The following SKAP1 variants were observed in gnomAD, a reference collection of about 807,000 sequenced individuals.
The protein encoded by SKAP1 is src kinase-associated phosphoprotein 1.
In SKAP1, 44 loss-of-function variants were observed where a neutral mutation model predicts 58.5. That is an observed-to-expected ratio of 0.75 (90% CI 0.59 to 0.97). The LOEUF (loss-of-function observed/expected upper bound fraction) is 0.97. Among genes scored for constraint, SKAP1 ranks in the 50% least tolerant of loss-of-function variants. The probability of loss-of-function intolerance (pLI) is 0.00; values close to 1 mark genes in which losing one functional copy is unlikely to be tolerated. For missense variants in SKAP1, 390 were observed against 435.2 expected (o/e 0.90, Z 0.92); for synonymous variants, 127 against 149.7 (o/e 0.85, Z 1.11).
intron 4 of SKAP1, among the ~76,000 whole-genome samples, chr17:48,250,298 T>TGAGATGGAG (rs2065348147): frequency 9.0e-6 from 1 of 110,616 alleles, no homozygotes; most frequent in African/African-American, 3.7e-5. Flanking sequence ...TTTTTTTTTT[T>TGAGATGGAG]TGAGATGGAG....
At chr17:48,353,559 G>A (rs1328288289) in intron 3 of SKAP1, among the ~76,000 whole-genome samples, 1 of 152,088 alleles carries the variant, frequency 6.6e-6, no homozygotes, top group African/African-American at 2.4e-5. Flanking sequence ...AACTTCTTGA[G>A]AGAAACTACA....
intron 1 of SKAP1, among the ~76,000 whole-genome samples, chr17:48,399,606 A>G (rs2067469286): frequency 6.6e-6 from 1 of 151,964 alleles, no homozygotes; most frequent in Non-Finnish European, 1.5e-5. Flanking sequence ...ACAAAAGATA[A>G]TTTTTAAAAA....
intron 2 of SKAP1, among the ~76,000 whole-genome samples, chr17:48,369,595 T>TGTA (rs1378825524): frequency 1.3e-5 from 2 of 152,178 alleles, no homozygotes; most frequent in African/African-American, 2.4e-5. Flanking sequence ...CAGCAGTCAC[T>TGTA]GTAGTAGTAA....
intron 11 of SKAP1, among the ~76,000 whole-genome samples, chr17:48,155,816 C>T (rs769607104): frequency 2.8e-4 from 43 of 152,282 alleles, no homozygotes; most frequent in Non-Finnish European, 5.3e-4. Context: ...GAGACCGCGC[C>T]GCTGCATTCC....
chr17:48,279,568 T>A (rs1228158038), intron 4 of SKAP1, among the ~76,000 whole-genome samples: 1 of 152,224 alleles, frequency 6.6e-6, no homozygotes, highest in African/African-American at 2.4e-5. Context: ...ATGATACATG[T>A]GGACCATTTG....
chr17:48,439,604 C>T, the SKAP1 span, among the ~76,000 whole-genome samples: 52 of 152,284 alleles, frequency 3.4e-4, no homozygotes, highest in African/African-American at 1.3e-3. Context: ...CCCATGATAG[C>T]TTTTTCCAGG....
intron 4 of SKAP1, among the ~76,000 whole-genome samples, chr17:48,225,805 G>T (rs2065061767): frequency 6.6e-6 from 1 of 152,204 alleles, no homozygotes; most frequent in Non-Finnish European, 1.5e-5. Context: ...TGAAAGTGCA[G>T]TAATAAGGGC....
intron 1 of SKAP1, among the ~76,000 whole-genome samples, chr17:48,417,756 AAAAAAG>A (rs1262007580): frequency 2.0e-5 from 3 of 152,080 alleles, no homozygotes; most frequent in Non-Finnish European, 1.5e-5. Context: ...AAAAAAAAAA[AAAAAAG>A]AAAAAGAAAA....
intron 10 of SKAP1, 85 bp from the exon 11 acceptor site, chr17:48,162,654 G>A (rs1300220896): frequency 2.0e-6 from 2 of 975,758 alleles, no homozygotes; most frequent in Admixed American, 2.1e-5. Context: ...GGAAACCAGG[G>A]TTCTGATATT....
intron 9 of SKAP1, among the ~76,000 whole-genome samples, chr17:48,178,733 T>G (rs1174795458): frequency 1.3e-5 from 2 of 152,250 alleles, no homozygotes; most frequent in African/African-American, 2.4e-5. Flanking sequence ...TTGTAAAACT[T>G]CATTAACGAC....
intron 4 of SKAP1, among the ~76,000 whole-genome samples, chr17:48,278,312 C>T (rs1008489989): frequency 2.0e-5 from 3 of 152,002 alleles, no homozygotes; most frequent in Non-Finnish European, 4.4e-5. Flanking sequence ...CTTTCTTTAC[C>T]TGCATGGTTC....
chr17:48,335,670 G>T (rs1449339961), intron 4 of SKAP1, among the ~76,000 whole-genome samples: 2 of 152,014 alleles, frequency 1.3e-5, no homozygotes, highest in African/African-American at 4.8e-5. Flanking sequence ...GATTAAATAT[G>T]TTAGAAATGC....
chr17:48,372,066 G>T (rs2067094579), intron 2 of SKAP1, among the ~76,000 whole-genome samples: 1 of 151,812 alleles, frequency 6.6e-6, no homozygotes, highest in Non-Finnish European at 1.5e-5. Flanking sequence ...CTGCCTCCTG[G>T]GTTCACGCGA....
At chr17:48,201,142 A>T (rs192645281) in intron 4 of SKAP1, among the ~76,000 whole-genome samples, 23 of 152,280 alleles carry the variant, frequency 1.5e-4, no homozygotes, top group African/African-American at 5.5e-4. Context: ...GGGGGTGCAG[A>T]AGTTAGCTCG....
intron 2 of SKAP1, among the ~76,000 whole-genome samples, chr17:48,395,377 T>C (rs1488436317): frequency 6.6e-6 from 1 of 152,210 alleles, no homozygotes; most frequent in South Asian, 2.1e-4. Context: ...CAGAGATTTA[T>C]ACCAACAGAA....
At chr17:48,240,622 A>T (rs190947800) in intron 4 of SKAP1, among the ~76,000 whole-genome samples, 4 of 152,314 alleles carry the variant, frequency 2.6e-5, no homozygotes, top group Admixed American at 2.6e-4. Context: ...AACCTAGTAA[A>T]GTGCTGCCTG....
intron 4 of SKAP1, among the ~76,000 whole-genome samples, chr17:48,232,850 C>T (rs2065139849): frequency 6.6e-6 from 1 of 152,188 alleles, no homozygotes; most frequent in Non-Finnish European, 1.5e-5. Context: ...CAAACAACAT[C>T]ATTCAGGATT....
At chr17:48,233,832 G>A (rs554395933) in intron 4 of SKAP1, among the ~76,000 whole-genome samples, 2 of 152,202 alleles carry the variant, frequency 1.3e-5, no homozygotes, top group South Asian at 2.1e-4. Context: ...CTCCAGCCTG[G>A]GTGACAGAGC....
At chr17:48,297,416 C>T (rs961030456) in intron 4 of SKAP1, among the ~76,000 whole-genome samples, 2 of 152,094 alleles carry the variant, frequency 1.3e-5, no homozygotes, top group African/African-American at 4.8e-5. Context: ...ATATAAATGA[C>T]CTTATAACCT....
Sources: gnomAD v4.1 joint callset for allele counts (sites outside exome capture counted in the v4.1 genomes callset) on GRCh38, gnomAD v4.1.1 for gene constraint, MANE v1.5 for transcripts, NCBI Gene and HGNC (gene_info 2026-07-23, HGNC 2026-07-21) for gene names.